Variants in SNX10 observed in about 807,000 individuals in gnomAD.
SNX10 encodes the protein sorting nexin-10.
In SNX10, 25 loss-of-function variants were observed where a neutral mutation model predicts 28.5. That is an observed-to-expected ratio of 0.88 (90% CI 0.64 to 1.22). The LOEUF is 1.22. SNX10 is among the 50% of genes most tolerant of loss of function. The pLI is 0.00. For synonymous variants in SNX10, 62 were observed against 81.4 expected, an observed-to-expected ratio of 0.76 and a Z score of 1.28; for missense variants, 223 against 242.6, an observed-to-expected ratio of 0.92 and a Z score of 0.54.
chr7:26,317,659 CTTTTTTTTT>C (rs11310428), intron 1 of SNX10, among the ~76,000 whole-genome samples: 1 of 106,220 alleles, frequency 9.4e-6, no homozygotes, highest in Non-Finnish European at 1.9e-5. Flanking sequence ...CTTCTTTGAT[CTTTTTTTTT>C]TTTTTTTTTT....
chr7:26,365,191 G>A (rs769433144), intron 5 of SNX10, 46 bp downstream of exon 5: 4 of 1,141,108 alleles, frequency 3.5e-6, no homozygotes, highest in African/African-American at 1.5e-5. Flanking sequence ...GTGTGAGCAA[G>A]TGCTTTACAA....
intron 3 of SNX10, among the ~76,000 whole-genome samples, chr7:26,362,739 C>T (rs886489804): frequency 2.0e-5 from 3 of 152,144 alleles, no homozygotes; most frequent in South Asian, 4.1e-4. Flanking sequence ...TGGTCTTTAA[C>T]TTGTTTAAAT....
rs372951299 is a variant in SNX10, at chr7:26,325,099, G to C, written c.-23-21321G>C. Among the ~76,000 whole-genome samples the C allele has an allele frequency of 2.7e-4, 41 of 151,646 alleles. No individual in the cohort carries two copies. In the East Asian group the frequency reaches 6.0e-3, roughly 22 times the overall value. On this transcript the variant is annotated intron_variant, in intron 1 of 6. Coordinates refer to ENST00000338523, the MANE Select transcript of SNX10 (RefSeq NM_013322.3). ...TCTGCCCTCTACCATTCTCATGAAA[G>C]AACGGGCTAGCATAGCACCTACAGA... is the stretch of plus-strand genomic sequence containing the variant.
chr7:26,294,557 T>G (rs960621698), intron 1 of SNX10, among the ~76,000 whole-genome samples: 1 of 152,206 alleles, frequency 6.6e-6, no homozygotes, highest in East Asian at 1.9e-4. Context: ...GGCAGTCTCA[T>G]TAAGCATCAC....
At chr7:26,312,881 T>C (rs1380171489) in intron 1 of SNX10, among the ~76,000 whole-genome samples, 1 of 152,180 alleles carries the variant, frequency 6.6e-6, no homozygotes, top group Non-Finnish European at 1.5e-5. Flanking sequence ...AAATAAGCCA[T>C]TTTTTGCCTA....
chr7:26,345,507 G>A (rs539983092), intron 1 of SNX10, among the ~76,000 whole-genome samples: 1 of 152,270 alleles, frequency 6.6e-6, no homozygotes, highest in African/African-American at 2.4e-5. Context: ...CCTTCCAGAG[G>A]CCCTGTGGGG....
chr7:26,349,445 G>A (rs1252311792), intron 2 of SNX10, among the ~76,000 whole-genome samples: 2 of 152,018 alleles, frequency 1.3e-5, no homozygotes, highest in African/African-American at 4.8e-5. Flanking sequence ...GGAGAAAAGG[G>A]AGTGAGAATC....
intron 2 of SNX10, among the ~76,000 whole-genome samples, chr7:26,352,559 T>C (rs1210783925): frequency 9.2e-5 from 14 of 152,230 alleles, no homozygotes; most frequent in Non-Finnish European, 1.2e-4. Context: ...CCACCCCACC[T>C]ATTTCCTCCT....
intron 1 of SNX10, among the ~76,000 whole-genome samples, chr7:26,335,939 T>TTCACCGTGGTC (rs1362712693): frequency 7.9e-5 from 12 of 151,294 alleles, no homozygotes; most frequent in Non-Finnish European, 1.8e-4. Context: ...GAGACGGGGT[T>TTCACCGTGGTC]TCACCGTGGT....
intron 1 of SNX10, among the ~76,000 whole-genome samples, chr7:26,308,621 C>T (rs1418011024): frequency 6.6e-6 from 1 of 152,108 alleles, no homozygotes; most frequent in Non-Finnish European, 1.5e-5. Context: ...CATACCTTGT[C>T]CTGTGCGTCT....
chr7:26,323,077 A>G (rs1171597612), intron 1 of SNX10, among the ~76,000 whole-genome samples: 2 of 151,948 alleles, frequency 1.3e-5, no homozygotes, highest in Admixed American at 1.3e-4. Context: ...GTGAGATATT[A>G]TCTCTATAAA....
chr7:26,327,623 G>C (rs1356412962), intron 1 of SNX10, among the ~76,000 whole-genome samples: 3 of 151,352 alleles, frequency 2.0e-5, no homozygotes, highest in Non-Finnish European at 4.4e-5. Context: ...CCATTAGGCT[G>C]AATATGTTTT....
At chr7:26,309,974 AT>A (rs917340208) in intron 1 of SNX10, among the ~76,000 whole-genome samples, 2 of 151,990 alleles carry the variant, frequency 1.3e-5, no homozygotes, top group African/African-American at 2.4e-5. Flanking sequence ...ATAGTAAACA[AT>A]TTTTTTTGGC....
intron 1 of SNX10, among the ~76,000 whole-genome samples, chr7:26,336,629 C>T (rs1787956759): frequency 6.6e-6 from 1 of 152,182 alleles, no homozygotes; most frequent in Non-Finnish European, 1.5e-5. Context: ...CCCTTGAACC[C>T]AGGAGGCGGA....
chr7:26,346,080 C>G (rs1004098179), intron 1 of SNX10, among the ~76,000 whole-genome samples: 2 of 152,164 alleles, frequency 1.3e-5, no homozygotes, highest in African/African-American at 2.4e-5. Flanking sequence ...GCCAGCATCC[C>G]CCCGCACATG....
At chr7:26,368,206 G>T (rs1789372368) in intron 5 of SNX10, among the ~76,000 whole-genome samples, 1 of 152,116 alleles carries the variant, frequency 6.6e-6, no homozygotes, top group South Asian at 2.1e-4. Flanking sequence ...CAGTTTTATA[G>T]ATAAAGAAAT....
chr7:26,358,805 G>GTTTTT (rs35527687), intron 2 of SNX10, among the ~76,000 whole-genome samples: 17 of 100,096 alleles, frequency 1.7e-4, no homozygotes, highest in East Asian at 1.2e-3. Context: ...GTTATCTTGT[G>GTTTTT]TTTTTTTTTT....
chr7:26,343,916 A>G (rs1179158100), intron 1 of SNX10, among the ~76,000 whole-genome samples: 1 of 152,088 alleles, frequency 6.6e-6, no homozygotes, highest in Non-Finnish European at 1.5e-5. Flanking sequence ...TTTTCTCAGT[A>G]AACCCTCTCC....
At chr7:26,341,442 G>A (rs1384103708) in intron 1 of SNX10, among the ~76,000 whole-genome samples, 1 of 152,120 alleles carries the variant, frequency 6.6e-6, no homozygotes, top group Non-Finnish European at 1.5e-5. Flanking sequence ...ACACTGGGAG[G>A]CAGATATCCA....
Sources: allele counts gnomAD v4.1 joint callset (sites outside exome capture counted in the v4.1 genomes callset), GRCh38; gene constraint gnomAD v4.1.1; transcripts MANE v1.5; gene names NCBI Gene and HGNC (gene_info 2026-07-23, HGNC 2026-07-21).